The following CSMD3 variants were observed in gnomAD, a reference collection of about 807,000 sequenced individuals.
The protein encoded by CSMD3 is CUB and Sushi multiple domains 3, also known as CUB and sushi domain-containing protein 3.
Under a neutral mutation model 435.2 loss-of-function variants are expected in CSMD3, and 177 were observed. The observed-to-expected ratio is 0.41, with a 90% confidence interval of 0.36 to 0.46. CSMD3 has a LOEUF of 0.46. Ranked by LOEUF, CSMD3 falls within the 20% of genes least tolerant of loss-of-function variation. The pLI, the probability that CSMD3 is intolerant of heterozygous loss-of-function variation, is 0.34. For synonymous variants in CSMD3, 1,656 were observed against 1,520.5 expected (o/e 1.09, Z -2.07); for missense variants, 4,265 against 4,504.6 (o/e 0.95, Z 1.52).
At chr8:113,003,245 C>CA (rs201734838) in intron 6 of CSMD3, among the ~76,000 whole-genome samples, 7,060 of 151,702 alleles carry the variant, frequency 0.047, 216 homozygotes, top group Non-Finnish European at 0.069. Flanking sequence ...AATTCTGTCT[C>CA]AAAAAATAAA....
chr8:112,791,250 C>T (rs1291028061), intron 13 of CSMD3, among the ~76,000 whole-genome samples: 1 of 145,416 alleles, frequency 6.9e-6, no homozygotes, highest in African/African-American at 2.6e-5. Flanking sequence ...TTGAGGATCA[C>T]TTGAGAGAGT....
chr8:113,377,120 G>A (rs970390830), intron 1 of CSMD3: 4 of 1,261,948 alleles, frequency 3.2e-6, no homozygotes, highest in East Asian at 4.5e-5. Flanking sequence ...GGCGTCGTCC[G>A]GCTCTCCGGT....
Position 112,517,155 on chromosome 8 carries a change from T to G in CSMD3, c.4635A>C (p.Glu1545Asp), listed in dbSNP as rs1277809582. The G allele has an allele frequency of 6.2e-7, 1 of 1,613,660 alleles. No individual in the cohort carries two copies. Among genetic ancestry groups the G allele is most frequent in the Non-Finnish European group, 8.5e-7 (1 of 1,179,848 alleles). ...ATTGAAAAACAACAGTGTCCCCAGG[T>G]TCTCTTCCATCCCCATTTCGAGTCC... is the stretch of plus-strand genomic sequence containing the variant. The part of the protein sequence containing the change: ...MNGTRNGDGR[E>D]PGDTVVFQCD... Residue 1545 changes from glutamate (E) to aspartate (D), a missense_variant, in exon 28 of 71, where the codon GAA becomes GAC. By Grantham distance (45) the Glu-to-Asp change is conservative. Coordinates refer to ENST00000297405, the MANE Select transcript of CSMD3 (RefSeq NM_198123.2).
At chr8:112,517,573 A>C (rs1268090250) in intron 27 of CSMD3, among the ~76,000 whole-genome samples, 1 of 152,166 alleles carries the variant, frequency 6.6e-6, no homozygotes, top group Non-Finnish European at 1.5e-5. Flanking sequence ...AACTCAAAAA[A>C]AAAGGAAGAA....
chr8:113,214,554 C>T (rs1463307242), intron 3 of CSMD3, among the ~76,000 whole-genome samples: 1 of 151,822 alleles, frequency 6.6e-6, no homozygotes, highest in Non-Finnish European at 1.5e-5. Flanking sequence ...ATCAAGAAAA[C>T]AGTTCTAGGA....
chr8:112,711,696 T>C (rs547297029), intron 13 of CSMD3, among the ~76,000 whole-genome samples: 11 of 152,260 alleles, frequency 7.2e-5, no homozygotes, highest in Non-Finnish European at 1.3e-4. Context: ...CTGAGAACCT[T>C]TCTAAACAAA....
intron 10 of CSMD3, among the ~76,000 whole-genome samples, chr8:112,894,266 G>T (rs1342100754): frequency 1.3e-5 from 2 of 151,416 alleles, no homozygotes; most frequent in South Asian, 4.1e-4. Context: ...GCATTGAAAT[G>T]GTGCATTACA....
intron 17 of CSMD3, among the ~76,000 whole-genome samples, chr8:112,664,219 T>A (rs1425672231): frequency 6.6e-6 from 1 of 152,116 alleles, no homozygotes. Context: ...TTGACAAATA[T>A]GCTTGTTTTT....
chr8:113,433,890 G>T (rs1322258984), intron 1 of CSMD3, among the ~76,000 whole-genome samples: 1 of 152,154 alleles, frequency 6.6e-6, no homozygotes, highest in Non-Finnish European at 1.5e-5. Context: ...ACCTGTGTGG[G>T]GGGTGCGGGG....
intron 13 of CSMD3, among the ~76,000 whole-genome samples, chr8:112,793,011 G>C (rs2078729402): frequency 6.6e-6 from 1 of 151,378 alleles, no homozygotes; most frequent in Non-Finnish European, 1.5e-5. Context: ...TAAGGACAAA[G>C]GAATTGATGC....
At chr8:112,718,956 A>C (rs577136074) in intron 13 of CSMD3, among the ~76,000 whole-genome samples, 1 of 152,296 alleles carries the variant, frequency 6.6e-6, no homozygotes, top group Non-Finnish European at 1.5e-5. Flanking sequence ...TAAAAGATTT[A>C]AAACTGTACA....
chr8:112,399,582 T>C (rs1165658408), intron 35 of CSMD3, among the ~76,000 whole-genome samples: 1 of 152,150 alleles, frequency 6.6e-6, no homozygotes, highest in Non-Finnish European at 1.5e-5. Context: ...AACAATTCCA[T>C]GTTTAAATCA....
At chr8:112,436,309 T>G (rs1296347435) in intron 32 of CSMD3, among the ~76,000 whole-genome samples, 1 of 151,942 alleles carries the variant, frequency 6.6e-6, no homozygotes, top group East Asian at 1.9e-4. Context: ...AAAGATATTT[T>G]TCTATGCCTT....
chr8:112,857,865 T>A (rs77413343), intron 11 of CSMD3, among the ~76,000 whole-genome samples: 1,960 of 151,652 alleles, frequency 0.013, 52 homozygotes, highest in African/African-American at 0.044. Flanking sequence ...ACCAATAATT[T>A]GCACAGAGAA....
intron 9 of CSMD3, 85 bp downstream of exon 9, chr8:112,947,705 C>G: frequency 1.5e-6 from 1 of 687,596 alleles, no homozygotes; most frequent in Non-Finnish European, 2.6e-6. Context: ...AAGACTTCAT[C>G]TTTATATTAT....
Position 112,517,507 on chromosome 8 carries a change from T to G in CSMD3, c.4565-282A>C, listed in dbSNP as rs1488879818. ...AAAGCTTCATACTGGGAAAATATATTTGTTAGGAACATATCCGCAGAGGAC... is the reference window on the plus strand; with the variant it reads ...AAAGCTTCATACTGGGAAAATATATGTGTTAGGAACATATCCGCAGAGGAC... On this transcript the variant is annotated intron_variant, in intron 27 of 70. Coordinates refer to ENST00000297405, the MANE Select transcript of CSMD3 (RefSeq NM_198123.2). Among the ~76,000 whole-genome samples the G allele has an allele frequency of 2.0e-5, 3 of 152,228 alleles. No individual in the cohort carries two copies. In the East Asian group the frequency reaches 5.8e-4, roughly 29 times the overall value.
intron 59 of CSMD3, among the ~76,000 whole-genome samples, chr8:112,274,004 G>C (rs953762288): frequency 2.6e-5 from 4 of 151,146 alleles, no homozygotes; most frequent in African/African-American, 7.3e-5. Context: ...AGGAGAAAAT[G>C]TCTTGAGGTG....
At chr8:112,410,752 C>T (rs1039544572) in intron 32 of CSMD3, among the ~76,000 whole-genome samples, 1 of 141,374 alleles carries the variant, frequency 7.1e-6, no homozygotes, top group Non-Finnish European at 1.5e-5. Context: ...TCTGTTTTTG[C>T]ATTAGATTAG....
At chr8:112,864,515 T>A (rs2080920896) in intron 10 of CSMD3, among the ~76,000 whole-genome samples, 1 of 152,106 alleles carries the variant, frequency 6.6e-6, no homozygotes, top group Non-Finnish European at 1.5e-5. Context: ...CCTCCGGAAA[T>A]GCTGGGATTA....
Sources: allele counts gnomAD v4.1 joint callset (sites outside exome capture counted in the v4.1 genomes callset), GRCh38; gene constraint gnomAD v4.1.1; transcripts MANE v1.5; gene names NCBI Gene and HGNC (gene_info 2026-07-23, HGNC 2026-07-21).